Variants in IL9R observed in about 807,000 individuals in gnomAD.
IL9R encodes the protein interleukin 9 receptor.
In IL9R, 54 loss-of-function variants were observed where a neutral mutation model predicts 56.3. The ratio of observed to expected loss-of-function variants is 0.96; its 90% CI spans 0.77 to 1.20. IL9R has a LOEUF of 1.20. IL9R is among the 50% of genes most tolerant of loss of function. The probability of loss-of-function intolerance (pLI) is 0.00; values close to 1 mark genes in which losing one functional copy is unlikely to be tolerated. For missense variants in IL9R, 545 were observed against 629.8 expected, an observed-to-expected ratio of 0.87 and a Z score of 1.44; for synonymous variants, 212 against 250.2, an observed-to-expected ratio of 0.85 and a Z score of 1.44.
chrX:156,005,751 A>G (rs2067888801), intron 6 of IL9R, among the ~76,000 whole-genome samples: 1 of 152,012 alleles, frequency 6.6e-6, no homozygotes, highest in African/African-American at 2.4e-5. Context: ...TCCTGCCTGG[A>G]GGCTGGACAT....
In IL9R at chrX:156,003,028, T is replaced by C; in HGVS notation, c.142+9T>C. 1 of 1,613,756 alleles carries C rather than the reference T, an allele frequency of 6.2e-7. No homozygotes were observed. The highest frequency in any genetic ancestry group is 8.5e-7 in the Non-Finnish European group (1 of 1,179,806). The stretch of plus-strand genomic sequence containing the variant: ...CACAGGGGAAGGACAAGGTGAGGGC[T>C]GGGCACTAATGTCTGTATGAGGTGG... On this transcript the variant is annotated intron_variant, in intron 2 of 8. Transcript: ENST00000244174.
intron 1 of IL9R, chrX:156,001,525 A>G (rs1295376301): frequency 6.5e-7 from 1 of 1,542,732 alleles, no homozygotes; most frequent in South Asian, 1.1e-5. Context: ...CTTCCTGATC[A>G]TCAGTCTTAA....
rs776099722 is a variant in IL9R at position 156,003,034 on chromosome X, C to A, written c.142+15C>A. On this transcript the variant is annotated intron_variant, in intron 2 of 8. Coordinates refer to ENST00000244174, the MANE Select transcript of IL9R (RefSeq NM_002186.3). ...GGAAGGACAAGGTGAGGGCTGGGCA[C>A]TAATGTCTGTATGAGGTGGGTGGAG... The A allele has an allele frequency of 1.2e-6, 2 of 1,613,724 alleles. No homozygotes were observed. Among genetic ancestry groups the A allele is most frequent in the African/African-American group, 2.7e-5 (2 of 74,998 alleles).
chrX:155,998,592 C>T (rs189824399), intron 1 of IL9R, among the ~76,000 whole-genome samples: 115 of 151,780 alleles, frequency 7.6e-4, no homozygotes, highest in African/African-American at 2.6e-3. Context: ...TTTTTTGAGA[C>T]AGAGTTTGAG....
At chrX:156,000,333 G>A (rs2067434546) in intron 1 of IL9R, among the ~76,000 whole-genome samples, 1 of 152,018 alleles carries the variant, frequency 6.6e-6, no homozygotes, top group African/African-American at 2.4e-5. Context: ...AAAGGTGAGG[G>A]CAGGGCAGCC....
chrX:156,004,407 C>T lies in IL9R; in HGVS notation c.434-13C>T. The T allele has an allele frequency of 6.2e-7, 1 of 1,613,784 alleles. No individual in the cohort carries two copies. Among genetic ancestry groups the T allele is most frequent in the South Asian group, 1.1e-5 (1 of 91,044 alleles). On this transcript the variant is annotated splice_polypyrimidine_tract_variant and intron_variant, in intron 4 of 8. Coordinates refer to ENST00000244174, the MANE Select transcript of IL9R (RefSeq NM_002186.3). The stretch of plus-strand genomic sequence containing the variant: ...ATGGGGCTTCAGCCTCACATGGATT[C>T]ACTCTGTTCCAGTTAAGCTGGACCC...
Position 156,002,886 on chromosome X carries a change from C to T in IL9R, c.29-20C>T. ...AGAGAGGGATGATTTGCACAGGGCC[C>T]TCAGCCCAGTCCCTTGCAGGCTGGA... is the stretch of plus-strand genomic sequence containing the variant. On this transcript the variant is annotated intron_variant, in intron 1 of 8. Coordinates refer to ENST00000244174, the MANE Select transcript of IL9R (RefSeq NM_002186.3). 1.2e-6 allele frequency: 2 copies of T among 1,613,604 alleles called. No homozygotes were observed. Among genetic ancestry groups the T allele is most frequent in the Non-Finnish European group, 1.7e-6 (2 of 1,179,848 alleles).
rs1299372657 is a variant in IL9R, at chrX:156,005,407, G to C, written c.709G>C (p.Glu237Gln). 2 of 1,613,224 alleles carry C rather than the reference G, an allele frequency of 1.2e-6. No homozygotes were observed. The highest frequency in any genetic ancestry group is 1.7e-6 in the Non-Finnish European group (2 of 1,179,842). ...QMATLEDDVV[E>Q]EERYTGQWSE... ...GGCCACACTGGAGGATGATGTGGTA[G>C]AGGAGGAGCGTTATACAGGCCAGTG... The change falls in exon 6 of 9, where the codon GAG becomes CAG. Residue 237 changes from glutamate to glutamine, a missense_variant. Glu to Gln is a conservative substitution (Grantham distance 29, BLOSUM62 2). This residue lies in a region of IL9R where 431 missense variants were observed against 360.0 expected (regional missense o/e 1.20). Transcript: ENST00000244174.
At chrX:156,001,464 G>A in intron 1 of IL9R, 1 of 1,610,082 alleles carries the variant, frequency 6.2e-7, no homozygotes, top group Non-Finnish European at 8.5e-7. Context: ...GGTGTTTCAT[G>A]CTGTGGCTGG....
intron 1 of IL9R, among the ~76,000 whole-genome samples, chrX:155,999,778 G>T (rs1569467175): frequency 6.6e-6 from 1 of 152,084 alleles, no homozygotes; most frequent in East Asian, 1.9e-4. Context: ...TTCTGAGGCT[G>T]CCAGCCTCCT....
At position 156,005,414 on chromosome X, in the gene IL9R, A is replaced by T; in HGVS notation, c.716A>T (p.Glu239Val). 1 of 1,613,018 alleles carries T rather than the reference A, an allele frequency of 6.2e-7. No individual in the cohort carries two copies. Among genetic ancestry groups the T allele is most frequent in the Non-Finnish European group, 8.5e-7 (1 of 1,179,810 alleles). The change falls in exon 6 of 9, where the codon GAG becomes GTG. Residue 239 changes from glutamate to valine, a missense_variant. By Grantham distance (121) the Glu-to-Val change is moderately radical. Around this residue, in one of 2 missense-constraint regions of IL9R, gnomAD observed 431 missense variants for 360.0 expected, o/e 1.20. Transcript: ENST00000244174. ...CTGGAGGATGATGTGGTAGAGGAGGAGCGTTATACAGGCCAGTGGAGTGAG... is the reference window on the plus strand; with the variant it reads ...CTGGAGGATGATGTGGTAGAGGAGGTGCGTTATACAGGCCAGTGGAGTGAG... ...ATLEDDVVEEERYTGQWSEWS... is the reference protein window; with the variant it reads ...ATLEDDVVEEVRYTGQWSEWS...
At chrX:155,998,644 A>G (rs2058146180) in intron 1 of IL9R, among the ~76,000 whole-genome samples, 1 of 151,994 alleles carries the variant, frequency 6.6e-6, no homozygotes, top group East Asian at 1.9e-4. Context: ...GTCTTCAAGT[A>G]GCATCCCAGA....
chrX:155,997,813 A>C, intron 1 of IL9R, 26 bp downstream of exon 1: 1 of 1,606,912 alleles, frequency 6.2e-7, no homozygotes, highest in Non-Finnish European at 8.5e-7. Flanking sequence ...GGGCTTCCCA[A>C]CCTCTCAAGT....
chrX:156,000,143 A>ATATAT (rs1220909165), intron 1 of IL9R, among the ~76,000 whole-genome samples: 46 of 129,864 alleles, frequency 3.5e-4, no homozygotes, highest in African/African-American at 1.5e-3. Context: ...CTAAAAAAAA[A>ATATAT]AAATATATAT....
chrX:156,011,412 A>G (rs1011704910), downstream of IL9R, among the ~76,000 whole-genome samples: 47 of 104,098 alleles, frequency 4.5e-4, 13 homozygotes, highest in Non-Finnish European at 6.6e-4. Context: ...CCCAGACAAG[A>G]CTTTATTAAG....
rs1230048491 is a variant in IL9R, at chrX:156,005,271, C to A, written c.580-7C>A. The A allele has an allele frequency of 1.2e-6, 2 of 1,611,788 alleles. No homozygotes were observed. Among genetic ancestry groups the A allele is most frequent in the Non-Finnish European group, 1.7e-6 (2 of 1,179,650 alleles). On this transcript the variant is annotated splice_region_variant and splice_polypyrimidine_tract_variant and intron_variant, in intron 5 of 8. Transcript: ENST00000244174. ...TCACCACCTGCTAACTGTCCCCACC[C>A]CCACAGCAGGCCCAGCACAGGGATC...
chrX:156,005,186 G>C, intron 5 of IL9R, 92 bp from the exon 6 acceptor site: 1 of 961,590 alleles, frequency 1.0e-6, no homozygotes, highest in South Asian at 1.4e-5. Flanking sequence ...TCAAGAGTGT[G>C]TTATATGAGC....
At chrX:156,008,725 G>A (rs1447457493) in intron 8 of IL9R, among the ~76,000 whole-genome samples, 1 of 152,226 alleles carries the variant, frequency 6.6e-6, no homozygotes, top group East Asian at 1.9e-4. Flanking sequence ...GTGATGCATG[G>A]GATGGAGGCT....
chrX:156,002,207 G>A (rs752135271), intron 1 of IL9R, among the ~76,000 whole-genome samples: 2 of 152,108 alleles, frequency 1.3e-5, no homozygotes, highest in East Asian at 3.9e-4. Flanking sequence ...AAAATTAGCT[G>A]GGCATGGCGG....
Sources: gnomAD v4.1 joint callset for allele counts (sites outside exome capture counted in the v4.1 genomes callset) on GRCh38, gnomAD v4.1.1 for gene constraint, gnomAD v4.1.1 regional missense constraint, MANE v1.5 for transcripts, NCBI Gene and HGNC (gene_info 2026-07-23, HGNC 2026-07-21) for gene names.